Variants in WDR72 observed in about 807,000 individuals in gnomAD.
WDR72 encodes the protein WD repeat-containing protein 72.
WDR72 carries 120 observed loss-of-function variants against 124.2 expected under a neutral mutation model. The observed-to-expected ratio is 0.97, with a 90% confidence interval of 0.83 to 1.12. The LOEUF (loss-of-function observed/expected upper bound fraction) is 1.12. Among genes scored for constraint, WDR72 ranks in the 50% most tolerant of loss-of-function variants. WDR72 has a pLI of 0.00. For synonymous variants in WDR72, 452 were observed against 441.7 expected (o/e 1.02, Z -0.29); for missense variants, 1,387 against 1,278.8 (o/e 1.08, Z -1.29).
chr15:53,527,671 G>A (rs917406338), intron 18 of WDR72, among the ~76,000 whole-genome samples: 1 of 151,984 alleles, frequency 6.6e-6, no homozygotes, highest in African/African-American at 2.4e-5. Context: ...TTAAAAGATA[G>A]AGCAGTTTGA....
chr15:53,662,800 C>A (rs1290032825), intron 14 of WDR72, among the ~76,000 whole-genome samples: 3 of 152,064 alleles, frequency 2.0e-5, no homozygotes, highest in Non-Finnish European at 4.4e-5. Flanking sequence ...TACAGTGGTT[C>A]ACACCTCTCA....
chr15:53,568,487 C>T (rs1020769901), intron 18 of WDR72, among the ~76,000 whole-genome samples: 3 of 151,962 alleles, frequency 2.0e-5, no homozygotes, highest in African/African-American at 7.2e-5. Context: ...AGGGTGTAAA[C>T]ATTTTCCTTA....
intron 2 of WDR72, among the ~76,000 whole-genome samples, chr15:53,728,216 G>C (rs1340304156): frequency 6.6e-6 from 1 of 152,232 alleles, no homozygotes; most frequent in Non-Finnish European, 1.5e-5. Flanking sequence ...AGCAGGCAAA[G>C]AGAGATATTG....
At position 53,665,646 on chromosome 15, in the gene WDR72, C is replaced by T. The variant is rs752672984; in HGVS notation, c.1888G>A (p.Glu630Lys). 4 of 1,613,900 alleles carry T rather than the reference C, an allele frequency of 2.5e-6. No homozygotes were observed. Among genetic ancestry groups the T allele is most frequent in the Non-Finnish European group, 3.4e-6 (4 of 1,179,894 alleles). Residue 630 changes from glutamate to lysine, a missense_variant, in exon 14 of 20, where the codon GAA becomes AAA. Coordinates refer to ENST00000360509, the MANE Select transcript of WDR72 (RefSeq NM_182758.4). Reference protein sequence around the residue: ...ASETLKHKSIEQRSSSPYQLG... With the variant: ...ASETLKHKSIKQRSSSPYQLG... ...TGGTAGGGGCTGGAGGATCTCTGTT[C>T]TATACTTTTGTGCTTAAGTGTCTCT...
intron 18 of WDR72, among the ~76,000 whole-genome samples, chr15:53,545,128 CCAA>C (rs1379993055): frequency 6.7e-6 from 1 of 149,466 alleles, no homozygotes; most frequent in Non-Finnish European, 1.5e-5. Context: ...CATAAAGCTA[CCAA>C]CGACTTTCTT....
chr15:53,749,904 G>A (rs1358384367), intron 1 of WDR72, among the ~76,000 whole-genome samples: 1 of 152,156 alleles, frequency 6.6e-6, no homozygotes, highest in African/African-American at 2.4e-5. Context: ...TAAAAGAAGT[G>A]AGGAAGCTGC....
intron 18 of WDR72, among the ~76,000 whole-genome samples, chr15:53,578,554 T>C (rs2011741045): frequency 6.6e-6 from 1 of 152,064 alleles, no homozygotes; most frequent in Non-Finnish European, 1.5e-5. Context: ...ATCGGTCCTT[T>C]GGAGGAACTG....
At chr15:53,661,537 C>A (rs1054576131) in intron 14 of WDR72, among the ~76,000 whole-genome samples, 1 of 152,150 alleles carries the variant, frequency 6.6e-6, no homozygotes, top group Non-Finnish European at 1.5e-5. Context: ...GAACAAATTT[C>A]AACGTAAGGT....
intron 18 of WDR72, among the ~76,000 whole-genome samples, chr15:53,553,008 A>G (rs529269483): frequency 6.6e-6 from 1 of 152,272 alleles, no homozygotes; most frequent in South Asian, 2.1e-4. Context: ...TCAACGGTCA[A>G]TATCATTTAA....
intron 17 of WDR72, among the ~76,000 whole-genome samples, chr15:53,600,092 T>G (rs1310778418): frequency 6.6e-6 from 1 of 152,194 alleles, no homozygotes; most frequent in Non-Finnish European, 1.5e-5. Context: ...AGGCTGTATC[T>G]TCTAAACATG....
chr15:53,562,898 A>C (rs1653550746), intron 18 of WDR72, among the ~76,000 whole-genome samples: 1 of 151,844 alleles, frequency 6.6e-6, no homozygotes, highest in South Asian at 2.1e-4. Context: ...AACAATTTTA[A>C]GGTCTTCTAT....
rs59003623 is a variant in WDR72, at chr15:53,529,164, A to ATATATATTTTTTTTT, written c.3149-5843_3149-5842insAAAAAAAAATATATA. ...TTAGCCCATATATATATATATATATATTTTTTTTTTTTTTTTTAAAAGAAT... is the reference window on the plus strand; with the variant it reads ...TTAGCCCATATATATATATATATATATATATATTTTTTTTTTTTTTTTTTTTTTTTTTAAAAGAAT... On this transcript the variant is annotated intron_variant, in intron 18 of 19. Transcript: ENST00000360509. 4.8e-3 allele frequency among the ~76,000 whole-genome samples: 375 copies of ATATATATTTTTTTTT among 78,002 alleles called. 2 individuals are homozygous for ATATATATTTTTTTTT. Among genetic ancestry groups the ATATATATTTTTTTTT allele is most frequent in the African/African-American group, 0.016 (325 of 19,948 alleles). 51.2% of individuals were successfully genotyped at this position (78,002 alleles called of 152,430 possible). A position where few individuals can be genotyped will look rare whatever the true frequency, so the allele number is the denominator to read the frequency against.
intron 14 of WDR72, among the ~76,000 whole-genome samples, chr15:53,640,699 T>C (rs1321354947): frequency 1.3e-5 from 2 of 152,152 alleles, no homozygotes; most frequent in Non-Finnish European, 2.9e-5. Flanking sequence ...TCTTTTGTCA[T>C]GCTGTCAAAA....
At chr15:53,638,397 G>A (rs1169214695) in intron 14 of WDR72, among the ~76,000 whole-genome samples, 1 of 152,000 alleles carries the variant, frequency 6.6e-6, no homozygotes, top group Non-Finnish European at 1.5e-5. Context: ...GGGCTACCCT[G>A]GAATAGAAAA....
chr15:53,690,236 A>T (rs890467132), intron 13 of WDR72, among the ~76,000 whole-genome samples: 8 of 147,924 alleles, frequency 5.4e-5, no homozygotes, highest in South Asian at 2.3e-4. Context: ...AAAAAAACTT[A>T]AAAAAAATTG....
At chr15:53,732,057 C>G (rs2018217733) in intron 2 of WDR72, among the ~76,000 whole-genome samples, 1 of 152,078 alleles carries the variant, frequency 6.6e-6, no homozygotes, top group Non-Finnish European at 1.5e-5. Flanking sequence ...TTTTAATTTT[C>G]AAAGGGAGCC....
At chr15:53,700,222 C>G (rs2017130065) in intron 12 of WDR72, among the ~76,000 whole-genome samples, 4 of 152,178 alleles carry the variant, frequency 2.6e-5, no homozygotes, top group Admixed American at 2.6e-4. Flanking sequence ...CATCACTCAG[C>G]AAATTCAGGC....
chr15:53,673,932 A>C (rs2016077855), intron 13 of WDR72, among the ~76,000 whole-genome samples: 1 of 152,196 alleles, frequency 6.6e-6, no homozygotes, highest in South Asian at 2.1e-4. Context: ...CGGAGGTTTC[A>C]GTGACCTGAG....
intron 18 of WDR72, among the ~76,000 whole-genome samples, chr15:53,550,517 A>T (rs574737068): frequency 6.6e-6 from 1 of 152,338 alleles, no homozygotes; most frequent in East Asian, 1.9e-4. Flanking sequence ...TATAACATAA[A>T]CATCTCTCCA....
Sources: allele counts gnomAD v4.1 joint callset (sites outside exome capture counted in the v4.1 genomes callset), GRCh38; gene constraint gnomAD v4.1.1; transcripts MANE v1.5; gene names NCBI Gene and HGNC (gene_info 2026-07-23, HGNC 2026-07-21).